BBS2: variants seen among roughly 807,000 people sequenced by gnomAD.
BBS2 encodes Bardet-Biedl syndrome 2.
BBS2 carries 62 observed loss-of-function variants against 83.0 expected under a neutral mutation model. That is an observed-to-expected ratio of 0.75 (90% CI 0.61 to 0.92). The LOEUF is 0.92. Among genes scored for constraint, BBS2 ranks in the 40% least tolerant of loss-of-function variants. The pLI, the probability that BBS2 is intolerant of heterozygous loss-of-function variation, is 0.00. For missense variants in BBS2, 784 were observed against 901.0 expected, an observed-to-expected ratio of 0.87 and a Z score of 1.66; for synonymous variants, 303 against 326.1, an observed-to-expected ratio of 0.93 and a Z score of 0.76.
intron 15 of BBS2, among the ~76,000 whole-genome samples, chr16:56,490,628 GA>G (rs1963923412): frequency 6.6e-6 from 1 of 151,958 alleles, no homozygotes; most frequent in African/African-American, 2.4e-5. Context: ...GCAACAGAGT[GA>G]GACTCTGTCT....
rs1457914856 is a variant in BBS2, at chr16:56,499,984, A to G, written c.1398-77T>C. 3 of 1,567,142 alleles carry G rather than the reference A, an allele frequency of 1.9e-6. No individual in the cohort carries two copies. In the African/African-American group the frequency reaches 4.1e-5, roughly 21 times the overall value. ...TCAAAATGCAAGGCCCAGAAAATAA[A>G]GCCACTTCTGGGTCATCAATTGATA... On this transcript the variant is annotated intron_variant, in intron 11 of 16. Transcript: ENST00000245157.
chr16:56,475,930 C>G (rs1963449127), intron 17 of BBS2: 2 of 928,264 alleles, frequency 2.2e-6, no homozygotes, highest in Non-Finnish European at 3.2e-6. Context: ...TCAGAGGACC[C>G]CTCTATCCCC....
At chr16:56,489,451 T>C (rs557387533) in intron 15 of BBS2, among the ~76,000 whole-genome samples, 3 of 152,080 alleles carry the variant, frequency 2.0e-5, no homozygotes, top group East Asian at 1.9e-4. Context: ...AGAAATATGA[T>C]ATATGATAAG....
chr16:56,518,345 C>A (rs1964810383), intron 1 of BBS2, among the ~76,000 whole-genome samples: 2 of 152,190 alleles, frequency 1.3e-5, no homozygotes, highest in Admixed American at 1.3e-4. Context: ...GCACTCTGAC[C>A]ACATTCCACA....
chr16:56,505,070 A>G (rs1964386911), intron 7 of BBS2, among the ~76,000 whole-genome samples: 1 of 152,230 alleles, frequency 6.6e-6, no homozygotes, highest in African/African-American at 2.4e-5. Context: ...ACTATAAGAA[A>G]TAAATTTCTG....
intron 11 of BBS2, chr16:56,500,580 G>A (rs1964240478): frequency 2.6e-6 from 1 of 390,340 alleles, no homozygotes; most frequent in Non-Finnish European, 4.7e-6. Context: ...AACTGAGATT[G>A]CCCCACTGTA....
rs759782684 is a variant in BBS2, at chr16:56,495,800, G to GTA, written c.1910+1165_1910+1166dup. Among the ~76,000 whole-genome samples, 898 of 148,892 alleles carry GTA rather than the reference G, an allele frequency of 6.0e-3. 2 individuals carry two copies. Among genetic ancestry groups the GTA allele is most frequent in the Non-Finnish European group, 7.1e-3 (478 of 67,066 alleles). ...TGTGTGTGTGTGTGTGTATATATAT[G>GTA]TATATATATATATATGATATTGAAA... On this transcript the variant is annotated intron_variant, in intron 15 of 16. Transcript: ENST00000245157.
chr16:56,474,889 A>T lies in BBS2; in HGVS notation c.*1-4194T>A, dbSNP rs781284877. ...ATTGGAAGACCGGTCACTACACTTT[A>T]ATTCATGACCATAGCAAGGCTGAAT... is the stretch of plus-strand genomic sequence containing the variant. On this transcript the variant is annotated intron_variant, in intron 17 of 17. Transcript: ENST00000682047. The T allele has an allele frequency of 3.1e-6, 5 of 1,613,330 alleles. No individual in the cohort carries two copies. The Admixed American group carries it at 8.3e-5, about 27-fold the overall frequency.
chr16:56,492,647 G>C (rs1176330852), intron 15 of BBS2, among the ~76,000 whole-genome samples: 1 of 152,058 alleles, frequency 6.6e-6, no homozygotes, highest in African/African-American at 2.4e-5. Context: ...TGATGCTGTG[G>C]TCTTACCACA....
intron 15 of BBS2, 40 bp from the exon 16 acceptor site, chr16:56,485,778 A>T: frequency 6.2e-7 from 1 of 1,606,426 alleles, no homozygotes; most frequent in Non-Finnish European, 8.5e-7. Context: ...TTTCATGTTG[A>T]TATGGCAAGC....
chr16:56,485,781 TG>T, intron 15 of BBS2, 43 bp from the exon 16 acceptor site: 1 of 1,603,942 alleles, frequency 6.2e-7, no homozygotes, highest in Non-Finnish European at 8.5e-7. Context: ...CATGTTGATA[TG>T]GCAAGCTTAA....
At chr16:56,480,712 GAC>G (rs1434219867), downstream of BBS2, among the ~76,000 whole-genome samples, 6 of 152,132 alleles carry the variant, frequency 3.9e-5, no homozygotes, top group Admixed American at 3.3e-4. Context: ...TCAACACCAT[GAC>G]ATACTTAACC....
chr16:56,511,379 G>A, intron 2 of BBS2, 95 bp from the exon 3 acceptor site: 2 of 1,522,820 alleles, frequency 1.3e-6, no homozygotes, highest in Non-Finnish European at 1.8e-6. Context: ...AGCAGATTTT[G>A]AGTAAAACAG....
At chr16:56,479,261 T>A (rs1251309071) in intron 17 of BBS2, among the ~76,000 whole-genome samples, 2 of 152,084 alleles carry the variant, frequency 1.3e-5, no homozygotes, top group Non-Finnish European at 1.5e-5. Flanking sequence ...TTACCTGAGG[T>A]CAGGAGTTGG....
chr16:56,518,309 T>G (rs1567587301), intron 1 of BBS2, among the ~76,000 whole-genome samples: 2 of 152,224 alleles, frequency 1.3e-5, no homozygotes, highest in South Asian at 4.1e-4. Context: ...CCTAGCTTAT[T>G]AAATCCACAC....
Position 56,499,779 on chromosome 16 carries a change from C to G in BBS2, c.1526G>C (p.Arg509Thr). The G allele has an allele frequency of 2.5e-6, 4 of 1,614,068 alleles. No homozygotes were observed. The highest frequency in any genetic ancestry group is 3.4e-6 in the Non-Finnish European group (4 of 1,179,980). The change falls in exon 12 of 17, where the codon AGG (arginine) becomes ACG (threonine). Residue 509 changes from arginine to threonine, a missense_variant and splice_region_variant. Arg to Thr is a moderately conservative substitution (Grantham distance 71, BLOSUM62 -1). Transcript: ENST00000245157. The part of the protein sequence containing the change: ...VNFTIAERAQ[R>T]VVVWLGQNFL... ...GAAAGAGAAAAGCGAGATACTCACC[C>G]TCTGTGCCCGTTCTGCAATGGTAAA...
intron 1 of BBS2, among the ~76,000 whole-genome samples, chr16:56,518,985 C>T (rs1371868590): frequency 6.6e-6 from 1 of 152,120 alleles, no homozygotes; most frequent in African/African-American, 2.4e-5. Flanking sequence ...ATCAAAAGTG[C>T]AATTTGAATA....
chr16:56,498,182 G>C (rs1366521535), intron 13 of BBS2, among the ~76,000 whole-genome samples: 2 of 152,098 alleles, frequency 1.3e-5, no homozygotes, highest in African/African-American at 2.4e-5. Flanking sequence ...GAGATGAAGG[G>C]AAGGAGGCAG....
intron 17 of BBS2, chr16:56,475,933 C>G: frequency 3.1e-6 from 3 of 978,308 alleles, no homozygotes; most frequent in Non-Finnish European, 3.0e-6. Flanking sequence ...GAGGACCCCT[C>G]TATCCCCAGA....
Sources: gnomAD v4.1 joint callset for allele counts (sites outside exome capture counted in the v4.1 genomes callset) on GRCh38, gnomAD v4.1.1 for gene constraint, MANE v1.5 for transcripts, NCBI Gene and HGNC (gene_info 2026-07-23, HGNC 2026-07-21) for gene names.